The following RYR1 variants were observed in gnomAD, a reference collection of about 807,000 sequenced individuals.
RYR1 encodes ryanodine receptor 1, also known as central core disease of muscle.
A neutral mutation model predicts 583.5 loss-of-function variants in RYR1; 342 were observed. The observed-to-expected ratio is 0.59, with a 90% CI of 0.54 to 0.64. RYR1 has a LOEUF of 0.64. Ranked by LOEUF, RYR1 falls within the 30% of genes least tolerant of loss-of-function variation. RYR1 has a pLI of 0.00. For synonymous variants in RYR1, 2,791 were observed against 2,822.5 expected (o/e 0.99, Z 0.35); for missense variants, 6,032 against 6,917.2 (o/e 0.87, Z 4.54).
At chr19:38,554,153 C>T (rs904861458) in intron 89 of RYR1, among the ~76,000 whole-genome samples, 29 of 151,844 alleles carry the variant, frequency 1.9e-4, no homozygotes, top group African/African-American at 7.0e-4. Context: ...CTGAGGAAGG[C>T]TGTAGTATTT....
At chr19:38,475,544 C>T in intron 29 of RYR1, 94 bp downstream of exon 29, 2 of 1,475,098 alleles carry the variant, frequency 1.4e-6, no homozygotes, top group Non-Finnish European at 1.9e-6. Flanking sequence ...CAGTAGCTGC[C>T]CACCTTACAC....
intron 17 of RYR1, 106 bp downstream of exon 17, chr19:38,457,736 AG>A: frequency 8.3e-7 from 1 of 1,204,704 alleles, no homozygotes; most frequent in Non-Finnish European, 1.2e-6. Context: ...CTCCCACCCC[AG>A]GGTTAACAAC....
chr19:38,465,454 C>T (rs776808588), intron 23 of RYR1, among the ~76,000 whole-genome samples: 9 of 148,558 alleles, frequency 6.1e-5, no homozygotes, highest in Non-Finnish European at 8.9e-5. Context: ...GGTGACAGAA[C>T]GAGAAAACAA....
At chr19:38,574,284 AAAAG>A (rs1285104599) in intron 96 of RYR1, among the ~76,000 whole-genome samples, 1 of 146,664 alleles carries the variant, frequency 6.8e-6, no homozygotes. Flanking sequence ...AAGGAAAAGA[AAAAG>A]AAAGGAAAAA....
chr19:38,529,204 A>G, intron 76 of RYR1, 147 bp downstream of exon 76: 1 of 817,534 alleles, frequency 1.2e-6, no homozygotes. Flanking sequence ...TTTGCTGGTC[A>G]GGCACGGTGG....
intron 81 of RYR1, 197 bp from the exon 82 acceptor site, chr19:38,535,800 C>G (rs1971937020): frequency 1.5e-6 from 1 of 657,362 alleles, no homozygotes; most frequent in African/African-American, 1.8e-5. Flanking sequence ...ATTATTTCAG[C>G]TTGCGCATGG....
chr19:38,471,942 T>G (rs978209906), intron 27 of RYR1, among the ~76,000 whole-genome samples: 2 of 151,484 alleles, frequency 1.3e-5, no homozygotes, highest in African/African-American at 4.9e-5. Flanking sequence ...CAAAGAATCT[T>G]GTATGCACAG....
Position 38,543,767 on chromosome 19 carries a change from C to G in RYR1, c.11908-4C>G, listed in dbSNP as rs1333726921. On this transcript the variant is annotated splice_polypyrimidine_tract_variant and splice_region_variant and intron_variant, in intron 86 of 105. Transcript: ENST00000359596. The surrounding 1 kb of genome is among the most constrained non-coding windows in gnomAD (Gnocchi z 4.4). ...TCCCCCCCACACGGCACTCTGCCTCCCAGGGTCCCTGCACCGGGAACCAGC... is the reference window on the plus strand; with the variant it reads ...TCCCCCCCACACGGCACTCTGCCTCGCAGGGTCCCTGCACCGGGAACCAGC... 1 of 1,612,818 alleles carries G rather than the reference C, an allele frequency of 6.2e-7. No individual in the cohort carries two copies. The highest frequency in any genetic ancestry group is 1.1e-5 in the South Asian group (1 of 91,072).
At chr19:38,523,652 C>T (rs1971324506) in intron 69 of RYR1, 5 of 612,194 alleles carry the variant, frequency 8.2e-6, no homozygotes, top group Non-Finnish European at 1.5e-5. Flanking sequence ...CCTCCTCCTC[C>T]CCATTTTCCC....
At chr19:38,534,397 C>A (rs1317080946) in intron 78 of RYR1, among the ~76,000 whole-genome samples, 2 of 152,154 alleles carry the variant, frequency 1.3e-5, no homozygotes, top group Non-Finnish European at 2.9e-5. Context: ...GAAGGAAATG[C>A]TTCATTTCTG....
At chr19:38,548,779 A>C (rs1470863215) in intron 89 of RYR1, among the ~76,000 whole-genome samples, 1 of 152,098 alleles carries the variant, frequency 6.6e-6, no homozygotes, top group Non-Finnish European at 1.5e-5. Flanking sequence ...ATGTGGTCTC[A>C]CTACATTACC....
intron 79 of RYR1, 81 bp from the exon 80 acceptor site, chr19:38,535,060 C>A: frequency 7.0e-7 from 1 of 1,425,324 alleles, no homozygotes; most frequent in Non-Finnish European, 9.8e-7. Context: ...TCTCACATCC[C>A]TTGGGATGGC....
In RYR1 at chr19:38,502,720, C is replaced by T. The variant is rs771077847; in HGVS notation, c.7828C>T (p.Leu2610Phe). ...CGTCATCGAGGACTGCCTCATGTCG[C>T]TCTGCAGGTGGAGCGGGGCAGGCTT... ...RDVIEDCLMS[L>F]CRYIRPSMLQ... The change falls in exon 48 of 106, where the codon CTC becomes TTC. Residue 2610 changes from leucine to phenylalanine, a missense_variant. Leu to Phe is a conservative substitution (Grantham distance 22). Around this residue, in one of 11 missense-constraint regions of RYR1, gnomAD observed 250 missense variants for 162.3 expected, o/e 1.54. Transcript: ENST00000359596. 1.4e-6 allele frequency: 2 copies of T among 1,440,694 alleles called. No homozygotes were observed. The highest frequency in any genetic ancestry group is 3.3e-5 in the East Asian group (1 of 30,358). 89.2% of individuals were successfully genotyped at this position (1,440,694 alleles called of 1,614,324 possible).
intron 88 of RYR1, among the ~76,000 whole-genome samples, chr19:38,547,823 C>G (rs991972531): frequency 6.6e-6 from 1 of 151,750 alleles, no homozygotes; most frequent in South Asian, 2.1e-4. Flanking sequence ...AAGCAATTCT[C>G]GTGCCTCAGC....
In RYR1 at chr19:38,477,906, G is replaced by C. The variant is rs764324548; in HGVS notation, c.4454+36G>C. The C allele has an allele frequency of 2.3e-5, 36 of 1,533,190 alleles. No homozygotes were observed. In the African/African-American group the frequency reaches 5.0e-4, roughly 21 times the overall value. The allele number at this position is 1,533,190 out of a possible 1,614,324, so 95.0% of individuals were successfully genotyped here. A position where few individuals can be genotyped will look rare whatever the true frequency, so the allele number is the denominator to read the frequency against. Reference sequence around the variant, plus strand: ...TGGGGGGAGGTGGGAGGTGCAGGGTGGGGAGGGCAGGAGGCAGTCAGAGCT... The same window carrying C: ...TGGGGGGAGGTGGGAGGTGCAGGGTCGGGAGGGCAGGAGGCAGTCAGAGCT... On this transcript the variant is annotated intron_variant, in intron 30 of 105. Coordinates refer to ENST00000359596, the MANE Select transcript of RYR1 (RefSeq NM_000540.3).
At chr19:38,572,319 G>A in intron 95 of RYR1, 49 bp downstream of exon 95, 1 of 1,546,316 alleles carries the variant, frequency 6.5e-7, no homozygotes, top group Non-Finnish European at 8.8e-7. Context: ...GGCTGGGTGG[G>A]GGTGGGGGCA....
Position 38,502,938 on chromosome 19 carries a change from ATCC to A in RYR1, c.7897_7899del (p.Leu2633del). 11 of 1,611,192 alleles carry A rather than the reference ATCC, an allele frequency of 6.8e-6. No homozygotes were observed. Among genetic ancestry groups the A allele is most frequent in the Non-Finnish European group, 9.3e-6 (11 of 1,179,988 alleles). ...GCGCCGCCTGGTGTTCGACGTGCCC[ATCC>A]TCAACGAGTTCGCCAAGATGCCACT... On this transcript the variant is annotated inframe_deletion, in exon 49 of 106. Transcript: ENST00000359596.
chr19:38,448,540 A>G, intron 10 of RYR1, 29 bp downstream of exon 10: 1 of 1,613,874 alleles, frequency 6.2e-7, no homozygotes, highest in Non-Finnish European at 8.5e-7. Flanking sequence ...GCCCTCCCTC[A>G]CCTGAAGCCC....
chr19:38,562,301 C>T (rs1366867281), intron 90 of RYR1, among the ~76,000 whole-genome samples: 2 of 152,088 alleles, frequency 1.3e-5, no homozygotes, highest in African/African-American at 4.8e-5. Flanking sequence ...CACTCGCTTG[C>T]CCCAAGGGTA....
Sources: gnomAD v4.1 joint callset for allele counts (sites outside exome capture counted in the v4.1 genomes callset) on GRCh38, gnomAD v4.1.1 for gene constraint, gnomAD v4.1.1 regional missense constraint, Gnocchi (gnomAD v3.1) non-coding constraint, MANE v1.5 for transcripts, NCBI Gene and HGNC (gene_info 2026-07-23, HGNC 2026-07-21) for gene names.